Variants in OR4F6 observed in about 807,000 individuals in gnomAD.
OR4F6 encodes olfactory receptor 4F6.
OR4F6 carries 13 observed loss-of-function variants against 15.9 expected under a neutral mutation model. The observed-to-expected ratio is 0.82, with a 90% CI of 0.53 to 1.30. OR4F6 has a LOEUF of 1.30. Among genes scored for constraint, OR4F6 ranks in the 50% most tolerant of loss-of-function variants. The pLI, the probability that OR4F6 is intolerant of heterozygous loss-of-function variation, is 0.00. For synonymous variants in OR4F6, 150 were observed against 133.8 expected (o/e 1.12, Z -0.83); for missense variants, 426 against 367.2 (o/e 1.16, Z -1.31).
chr15:101,806,268 A>G lies in OR4F6; in HGVS notation c.549A>G (p.Arg183=), dbSNP rs1423600033. 1 of 1,525,632 alleles carries G rather than the reference A, an allele frequency of 6.6e-7. No individual in the cohort carries two copies. Among genetic ancestry groups the G allele is most frequent in the South Asian group, 1.3e-5 (1 of 78,660 alleles). The allele number at this position is 1,525,632 out of a possible 1,614,324, so 94.5% of individuals were successfully genotyped here. The change falls in exon 2 of 2, where the codon CGA becomes CGG. Residue 183 remains arginine (R), a synonymous_variant. Coordinates refer to ENST00000328882, the MANE Select transcript of OR4F6 (RefSeq NM_001005326.2). Reference sequence around the variant, plus strand: ...ATAGTTTCTTTTGTGATCTTCCTCGATTTATCAAACTGGCTTGCATAGAGA... The same window carrying G: ...ATAGTTTCTTTTGTGATCTTCCTCGGTTTATCAAACTGGCTTGCATAGAGA... ...ELDSFFCDLP[R]FIKLACIETY... is the part of the protein sequence containing the mutation.
At chr15:101,804,287 T>A (rs1902762084) in intron 1 of OR4F6, among the ~76,000 whole-genome samples, 1 of 152,192 alleles carries the variant, frequency 6.6e-6, no homozygotes, top group Non-Finnish European at 1.5e-5. Context: ...CAAACAATGA[T>A]CTACATTTAA....
chr15:101,805,548 G>T (rs957406960), intron 1 of OR4F6, 139 bp from the exon 2 acceptor site: 55 of 594,094 alleles, frequency 9.3e-5, no homozygotes, highest in Admixed American at 6.0e-5. Context: ...AATATGAGTT[G>T]CTTTGTGACT....
At position 101,806,382 on chromosome 15, in the gene OR4F6, T is replaced by C. The variant is rs111936896; in HGVS notation, c.663T>C (p.Ile221=). The part of the protein sequence containing the change: ...FLILIISYIF[I]LVTVQKKSSG... ...TTCTCATAATCTCTTACATCTTTATTTTGGTGACTGTTCAGAAAAAATCTT... is the reference window on the plus strand; with the variant it reads ...TTCTCATAATCTCTTACATCTTTATCTTGGTGACTGTTCAGAAAAAATCTT... Residue 221 remains isoleucine, a synonymous_variant, in exon 2 of 2, where the codon ATT becomes ATC. Transcript: ENST00000328882. 33 of 1,614,028 alleles carry C rather than the reference T, an allele frequency of 2.0e-5. No homozygotes were observed. Among genetic ancestry groups the C allele is most frequent in the Non-Finnish European group, 2.7e-5 (32 of 1,179,938 alleles).
chr15:101,806,511 A>T lies in OR4F6; in HGVS notation c.792A>T (p.Thr264=), dbSNP rs773564181. Residue 264 remains threonine (T), a synonymous_variant, in exon 2 of 2, where the codon ACA becomes ACT. Coordinates refer to ENST00000328882, the MANE Select transcript of OR4F6 (RefSeq NM_001005326.2). ...LIFFYIFPFP[T]SHLDKFLAIF... ...TTTTCTATATTTTTCCATTTCCCAC[A>T]TCACATCTTGATAAATTCCTTGCCA... 2 of 1,614,018 alleles carry T rather than the reference A, an allele frequency of 1.2e-6. No homozygotes were observed. Among genetic ancestry groups the T allele is most frequent in the Non-Finnish European group, 1.7e-6 (2 of 1,180,000 alleles).
intron 1 of OR4F6, 45 bp from the exon 2 acceptor site, chr15:101,805,642 G>T: frequency 8.4e-7 from 1 of 1,191,496 alleles, no homozygotes. Flanking sequence ...CAACATCAAT[G>T]CTTTTTGTCC....
At chr15:101,804,908 T>G (rs1189684940) in intron 1 of OR4F6, among the ~76,000 whole-genome samples, 1 of 152,162 alleles carries the variant, frequency 6.6e-6, no homozygotes, top group Non-Finnish European at 1.5e-5. Flanking sequence ...TTAAAACAGT[T>G]TTAGGAGTAA....
In OR4F6 at chr15:101,806,855, C is replaced by T. The variant is rs1596370980; in HGVS notation, c.*197C>T. ...ATTTAAAGATTAAACAGTGTGGCTA[C>T]TTTATTTCACCAACATTATTACCTA... On this transcript the variant is annotated 3_prime_UTR_variant, in exon 2 of 2. Coordinates refer to ENST00000328882, the MANE Select transcript of OR4F6 (RefSeq NM_001005326.2). The T allele has an allele frequency of 7.3e-6, 3 of 409,234 alleles. No individual in the cohort carries two copies. Among genetic ancestry groups the T allele is most frequent in the Non-Finnish European group, 1.3e-5 (3 of 232,354 alleles). 25.4% of individuals were successfully genotyped at this position (409,234 alleles called of 1,614,324 possible).
chr15:101,806,403 A>G lies in OR4F6; in HGVS notation c.684A>G (p.Lys228=). ...TTATTTTGGTGACTGTTCAGAAAAA[A>G]TCTTCAGGTGGTATATTCAAGGCTT... The part of the protein sequence containing the change: ...YIFILVTVQK[K]SSGGIFKAFS... The change falls in exon 2 of 2, where the codon AAA becomes AAG. Residue 228 remains lysine, a synonymous_variant. Transcript: ENST00000328882. 2.5e-6 allele frequency: 4 copies of G among 1,613,732 alleles called. No homozygotes were observed. Among genetic ancestry groups the G allele is most frequent in the South Asian group, 1.1e-5 (1 of 91,060 alleles).
In OR4F6 at chr15:101,806,601, G is replaced by T. The variant is rs775082695; in HGVS notation, c.882G>T (p.Met294Ile). 6.2e-7 allele frequency: 1 copy of T among 1,606,422 alleles called. No individual in the cohort carries two copies. Among genetic ancestry groups the T allele is most frequent in the East Asian group, 2.2e-5 (1 of 44,842 alleles). ...PVIYTFRNKE[M>I]MVAMRRRCSQ... Reference sequence around the variant, plus strand: ...TCTATACTTTTAGAAATAAAGAGATGATGGTGGCAATGAGAAGACGATGCT... The same window carrying T: ...TCTATACTTTTAGAAATAAAGAGATTATGGTGGCAATGAGAAGACGATGCT... The change falls in exon 2 of 2, where the codon ATG becomes ATT. Residue 294 changes from methionine (M) to isoleucine (I), a missense_variant. Met to Ile is a conservative substitution (Grantham distance 10, BLOSUM62 1). Coordinates refer to ENST00000328882, the MANE Select transcript of OR4F6 (RefSeq NM_001005326.2).
Position 101,805,959 on chromosome 15 carries a change from G to A in OR4F6, c.240G>A (p.Lys80=). 1 of 1,614,130 alleles carries A rather than the reference G, an allele frequency of 6.2e-7. No individual in the cohort carries two copies. The highest frequency in any genetic ancestry group is 8.5e-7 in the Non-Finnish European group (1 of 1,180,010). ...TATTTTGTTCCTCCACAGCTCCCAA[G>A]ATGATTTATGACCTTTTCAGGAAGC... is the stretch of plus-strand genomic sequence containing the variant. ...NLVFCSSTAP[K]MIYDLFRKHK... The change falls in exon 2 of 2, where the codon AAG becomes AAA. Residue 80 remains lysine (K), a synonymous_variant. Coordinates refer to ENST00000328882, the MANE Select transcript of OR4F6 (RefSeq NM_001005326.2).
At position 101,805,749 on chromosome 15, in the gene OR4F6, T is replaced by C. The variant is rs747286296; in HGVS notation, c.30T>C (p.Ser10=). The change falls in exon 2 of 2, where the codon TCT becomes TCC. Residue 10 remains serine (S), a synonymous_variant. Coordinates refer to ENST00000328882, the MANE Select transcript of OR4F6 (RefSeq NM_001005326.2). Reference sequence around the variant, plus strand: ...ATGAAGCCAATCACTCTGTGGTCTCTGAGTTTGTGTTCCTGGGACTCTCTG... The same window carrying C: ...ATGAAGCCAATCACTCTGTGGTCTCCGAGTTTGTGTTCCTGGGACTCTCTG... The part of the protein sequence containing the change: MDEANHSVV[S]EFVFLGLSDS... The C allele has an allele frequency of 3.1e-6, 5 of 1,613,202 alleles. No homozygotes were observed. In the East Asian group the frequency reaches 1.1e-4, roughly 36 times the overall value.
chr15:101,805,494 A>G (rs2141615871), intron 1 of OR4F6, among the ~76,000 whole-genome samples, 193 bp from the exon 2 acceptor site: 1 of 152,252 alleles, frequency 6.6e-6, no homozygotes, highest in Admixed American at 6.5e-5. Flanking sequence ...AGGAGTTCTT[A>G]TTCTGTGCAA....
rs779449064 is a variant in OR4F6, at chr15:101,806,171, T to C, written c.452T>C (p.Ile151Thr). 2 of 1,614,188 alleles carry C rather than the reference T, an allele frequency of 1.2e-6. No individual in the cohort carries two copies. Among genetic ancestry groups the C allele is most frequent in the South Asian group, 1.1e-5 (1 of 91,084 alleles). Residue 151 changes from isoleucine to threonine, a missense_variant, in exon 2 of 2, where the codon ATA becomes ACA. Physicochemically the swap from Ile to Thr is moderately conservative, Grantham distance 89. Transcript: ENST00000328882. The stretch of plus-strand genomic sequence containing the variant: ...TTGTTTTTAGTCATTTCCTGGATTA[T>C]AGGTATTATTCACTCAGTGATTCAG... ...CILFLVISWI[I>T]GIIHSVIQLA...
intron 1 of OR4F6, 90 bp downstream of exon 1, chr15:101,803,635 C>G (rs544540555): frequency 1.3e-5 from 2 of 152,134 alleles, no homozygotes; most frequent in Non-Finnish European, 2.9e-5. Flanking sequence ...TTTAATCAAC[C>G]AGGAGTCATG....
chr15:101,804,697 G>A (rs1457545267), intron 1 of OR4F6, among the ~76,000 whole-genome samples: 1 of 152,208 alleles, frequency 6.6e-6, no homozygotes, highest in Admixed American at 6.5e-5. Context: ...AATACAAAGT[G>A]TGGTACATAA....
At position 101,806,038 on chromosome 15, in the gene OR4F6, G is replaced by A. The variant is rs936322311; in HGVS notation, c.319G>A (p.Val107Ile). The A allele has an allele frequency of 6.2e-7, 1 of 1,614,038 alleles. No individual in the cohort carries two copies. Among genetic ancestry groups the A allele is most frequent in the Non-Finnish European group, 8.5e-7 (1 of 1,180,022 alleles). ...CVVQIFFIHA[V>I]GGTEMVLLIA... Reference sequence around the variant, plus strand: ...AGTTCAGATCTTCTTTATCCATGCAGTTGGGGGAACTGAGATGGTGCTGCT... The same window carrying A: ...AGTTCAGATCTTCTTTATCCATGCAATTGGGGGAACTGAGATGGTGCTGCT... The change falls in exon 2 of 2, where the codon GTT (valine) becomes ATT (isoleucine). Residue 107 changes from valine (V) to isoleucine (I), a missense_variant. Coordinates refer to ENST00000328882, the MANE Select transcript of OR4F6 (RefSeq NM_001005326.2).
rs756735861 is a variant in OR4F6 at position 101,805,699 on chromosome 15, T to G, written c.-21T>G. 3 of 1,574,828 alleles carry G rather than the reference T, an allele frequency of 1.9e-6. No homozygotes were observed. The highest frequency in any genetic ancestry group is 2.6e-6 in the Non-Finnish European group (3 of 1,153,874). ...TCTCCTCTTTCAGTTAGCATGAGAGTTGTCACAGCCGACAGAGGCAATGGA... is the reference window on the plus strand; with the variant it reads ...TCTCCTCTTTCAGTTAGCATGAGAGGTGTCACAGCCGACAGAGGCAATGGA... On this transcript the variant is annotated 5_prime_UTR_variant, in exon 2 of 2. Coordinates refer to ENST00000328882, the MANE Select transcript of OR4F6 (RefSeq NM_001005326.2).
At chr15:101,804,769 CAAT>C in intron 1 of OR4F6, among the ~76,000 whole-genome samples, 1 of 152,266 alleles carries the variant, frequency 6.6e-6, no homozygotes, top group South Asian at 2.1e-4. Flanking sequence ...GTAGTACCAA[CAAT>C]GAGTGGACAA....
In OR4F6 at chr15:101,805,848, C is replaced by G. The variant is rs1303227897; in HGVS notation, c.129C>G (p.Leu43=). 6.2e-7 allele frequency: 1 copy of G among 1,614,050 alleles called. No homozygotes were observed. Among genetic ancestry groups the G allele is most frequent in the African/African-American group, 1.3e-5 (1 of 75,018 alleles). The change falls in exon 2 of 2, where the codon CTC becomes CTG. Residue 43 remains leucine, a synonymous_variant. Transcript: ENST00000328882. ...VFYVSSLMGN[L]LIVLTVTSDP... ...ATGTGTCAAGCCTGATGGGAAATCT[C>G]CTCATTGTGCTAACTGTGACCTCTG...
Sources: allele counts gnomAD v4.1 joint callset (sites outside exome capture counted in the v4.1 genomes callset), GRCh38; gene constraint gnomAD v4.1.1; transcripts MANE v1.5; gene names NCBI Gene and HGNC (gene_info 2026-07-23, HGNC 2026-07-21).